PLEKHA5: variants seen among roughly 807,000 people sequenced by gnomAD.
PLEKHA5 encodes pleckstrin homology domain containing A5.
A neutral mutation model predicts 181.9 loss-of-function variants in PLEKHA5; 55 were observed. The ratio of observed to expected loss-of-function variants is 0.30; its 90% confidence interval spans 0.24 to 0.38. The LOEUF (loss-of-function observed/expected upper bound fraction) is 0.38, where lower values mean the gene tolerates loss of function less well. PLEKHA5 is among the 10% of genes least tolerant of loss of function. The pLI is 1.00. For missense variants in PLEKHA5, 1,432 were observed against 1,549.5 expected (o/e 0.92, Z 1.27); for synonymous variants, 535 against 529.4 (o/e 1.01, Z -0.15).
intron 3 of PLEKHA5, among the ~76,000 whole-genome samples, chr12:19,231,557 T>G (rs2060565894): frequency 1.4e-5 from 2 of 147,406 alleles, no homozygotes; most frequent in African/African-American, 2.5e-5. Context: ...TATATATTTA[T>G]ATATGTACAC....
intron 7 of PLEKHA5, among the ~76,000 whole-genome samples, chr12:19,265,153 A>G (rs1156392432): frequency 6.6e-6 from 1 of 152,236 alleles, no homozygotes; most frequent in Non-Finnish European, 1.5e-5. Context: ...ATGTATTCAC[A>G]TGTCGTCTTC....
chr12:19,284,855 C>T (rs1293106402), intron 12 of PLEKHA5, among the ~76,000 whole-genome samples: 1 of 152,016 alleles, frequency 6.6e-6, no homozygotes, highest in Non-Finnish European at 1.5e-5. Flanking sequence ...ATCACTTGAA[C>T]ATGGAAGGTT....
At chr12:19,192,657 G>C (rs553796467) in intron 3 of PLEKHA5, among the ~76,000 whole-genome samples, 1 of 152,304 alleles carries the variant, frequency 6.6e-6, no homozygotes, top group South Asian at 2.1e-4. Context: ...ATTGAGCCCA[G>C]ATGGCACCTC....
At chr12:19,296,591 A>G (rs2079874819) in intron 15 of PLEKHA5, among the ~76,000 whole-genome samples, 1 of 151,944 alleles carries the variant, frequency 6.6e-6, no homozygotes, top group African/African-American at 2.4e-5. Flanking sequence ...CTCAGATCTT[A>G]GGAACACGTA....
chr12:19,279,088 T>C (rs537964980), intron 11 of PLEKHA5, among the ~76,000 whole-genome samples: 8 of 152,234 alleles, frequency 5.3e-5, no homozygotes, highest in African/African-American at 1.7e-4. Context: ...CAGTTGGCCA[T>C]TGGCTAGATT....
chr12:19,153,801 C>G (rs1330871630), intron 3 of PLEKHA5: 3 of 152,126 alleles, frequency 2.0e-5, no homozygotes, highest in Non-Finnish European at 1.5e-5. Context: ...TTTATGATAA[C>G]AAAGTGAAAT....
intron 11 of PLEKHA5, among the ~76,000 whole-genome samples, chr12:19,281,359 C>T (rs950831849): frequency 1.3e-5 from 2 of 152,072 alleles, no homozygotes; most frequent in Non-Finnish European, 2.9e-5. Context: ...GGCAGATTGC[C>T]TGAGCTCAGG....
At chr12:19,253,305 C>T (rs1362538636) in intron 3 of PLEKHA5, among the ~76,000 whole-genome samples, 1 of 150,752 alleles carries the variant, frequency 6.6e-6, no homozygotes, top group Non-Finnish European at 1.5e-5. Context: ...GAACGCCTGA[C>T]CTCAAGTGAT....
Position 19,130,515 on chromosome 12 carries a change from C to A in PLEKHA5, c.169+385C>A, listed in dbSNP as rs1344573330. Among the ~76,000 whole-genome samples, 1 of 151,676 alleles carries A rather than the reference C, an allele frequency of 6.6e-6. No individual in the cohort carries two copies. The highest frequency in any genetic ancestry group is 1.5e-5 in the Non-Finnish European group (1 of 67,862). On this transcript the variant is annotated intron_variant, in intron 2 of 31. Transcript: ENST00000429027. This position sits in a 1 kb window ranked among gnomAD's most constrained non-coding sequence, Gnocchi z 4.5. ...CCGGTGACCCCCAGCTGCCGTCTTG[C>A]CCCCCAGCAATCTTCAGGCAGTCCT...
intron 26 of PLEKHA5, among the ~76,000 whole-genome samples, chr12:19,355,748 T>A (rs1203361147): frequency 1.3e-5 from 2 of 152,174 alleles, no homozygotes; most frequent in Admixed American, 1.3e-4. Context: ...TGGTCATGAT[T>A]CTGTAATACT....
At chr12:19,182,659 G>T (rs184169330) in intron 3 of PLEKHA5, among the ~76,000 whole-genome samples, 2 of 152,082 alleles carry the variant, frequency 1.3e-5, no homozygotes, top group Admixed American at 6.6e-5. Flanking sequence ...CATTATTGCC[G>T]TCAGAATTAT....
At chr12:19,260,894 C>T (rs2068292825) in intron 6 of PLEKHA5, 55 bp from the exon 7 acceptor site, 6 of 980,084 alleles carry the variant, frequency 6.1e-6, no homozygotes, top group South Asian at 5.5e-5. Context: ...AATAAATGCA[C>T]ATGTGAGTTT....
At chr12:19,187,994 C>T (rs2050236857) in intron 3 of PLEKHA5, among the ~76,000 whole-genome samples, 1 of 152,194 alleles carries the variant, frequency 6.6e-6, no homozygotes, top group Admixed American at 6.5e-5. Context: ...TGACAAATTA[C>T]TTACATATTT....
In PLEKHA5 at chr12:19,129,792, G is replaced by A. The variant is rs1218514174; in HGVS notation, c.-8G>A. ...GGAGAAGGCGGCGGCGGCGGCTAGG[G>A]ATCAGACATGGCGGCGGATCTGAAC... is the stretch of plus-strand genomic sequence containing the variant. On this transcript the variant is annotated 5_prime_UTR_variant, in exon 1 of 32. Transcript: ENST00000429027. The A allele has an allele frequency of 6.3e-7, 1 of 1,595,918 alleles. No homozygotes were observed. Among genetic ancestry groups the A allele is most frequent in the Admixed American group, 1.7e-5 (1 of 58,966 alleles).
At chr12:19,170,031 A>T (rs182877990) in intron 3 of PLEKHA5, among the ~76,000 whole-genome samples, 26 of 152,326 alleles carry the variant, frequency 1.7e-4, no homozygotes, top group African/African-American at 5.8e-4. Flanking sequence ...GTTGTTAATT[A>T]TGTGTAGTCT....
intron 3 of PLEKHA5, among the ~76,000 whole-genome samples, chr12:19,165,430 G>A (rs140784346): frequency 6.7e-6 from 1 of 148,620 alleles, no homozygotes; most frequent in African/African-American, 2.5e-5. Flanking sequence ...TCTTTTCTGT[G>A]TACTCTATTT....
At position 19,173,005 on chromosome 12, in the gene PLEKHA5, C is replaced by CTTTTTTTTTTTTTTT. The variant is rs71064064; in HGVS notation, c.227+40570_227+40584dup. On this transcript the variant is annotated intron_variant, in intron 3 of 31. Transcript: ENST00000429027. ...AGAAAATTGCTACTGATTTCCCTTT[C>CTTTTTTTTTTTTTTT]TTTTTTTTTTTTTTTTTTTTTTTTT... 1.3e-3 allele frequency among the ~76,000 whole-genome samples: 42 copies of CTTTTTTTTTTTTTTT among 33,550 alleles called. 18 individuals are homozygous for CTTTTTTTTTTTTTTT. Among genetic ancestry groups the CTTTTTTTTTTTTTTT allele is most frequent in the South Asian group, 6.2e-3 (3 of 484 alleles). 22.0% of individuals were successfully genotyped at this position (33,550 alleles called of 152,430 possible).
intron 21 of PLEKHA5, among the ~76,000 whole-genome samples, chr12:19,338,777 G>A (rs956245886): frequency 2.6e-5 from 4 of 151,384 alleles, no homozygotes; most frequent in East Asian, 2.0e-4. Context: ...CCAGCTACTC[G>A]GGAGGCTGTG....
chr12:19,355,952 G>A (rs1025917443), intron 26 of PLEKHA5, among the ~76,000 whole-genome samples: 2 of 152,016 alleles, frequency 1.3e-5, no homozygotes, highest in Non-Finnish European at 2.9e-5. Context: ...ATCATTTGAA[G>A]TCAGGAGTTC....
Sources: gnomAD v4.1 joint callset for allele counts (sites outside exome capture counted in the v4.1 genomes callset) on GRCh38, gnomAD v4.1.1 for gene constraint, Gnocchi (gnomAD v3.1) non-coding constraint, MANE v1.5 for transcripts, NCBI Gene and HGNC (gene_info 2026-07-23, HGNC 2026-07-21) for gene names.